ADHFE1: variants seen among roughly 807,000 people sequenced by gnomAD.
ADHFE1 encodes alcohol dehydrogenase iron containing 1.
Under a neutral mutation model 54.8 loss-of-function variants are expected in ADHFE1, and 37 were observed. That is an observed-to-expected ratio of 0.68 (90% CI 0.52 to 0.89). ADHFE1 has a LOEUF of 0.89. ADHFE1 is among the 40% of genes least tolerant of loss of function. The pLI is 0.00. For missense variants in ADHFE1, 601 were observed against 591.2 expected, an observed-to-expected ratio of 1.02 and a Z score of -0.17; for synonymous variants, 203 against 229.3, an observed-to-expected ratio of 0.89 and a Z score of 1.04.
At chr8:66,459,331 C>A (rs1806758443) in intron 12 of ADHFE1, among the ~76,000 whole-genome samples, 1 of 151,606 alleles carries the variant, frequency 6.6e-6, no homozygotes, top group Non-Finnish European at 1.5e-5. Context: ...CTCTGTCACC[C>A]TGCCTGAGGG....
At chr8:66,462,306 G>A (rs1164662526) in intron 13 of ADHFE1, among the ~76,000 whole-genome samples, 1 of 152,198 alleles carries the variant, frequency 6.6e-6, no homozygotes, top group Non-Finnish European at 1.5e-5. Flanking sequence ...CTGGAGTGCA[G>A]TGGCATAATC....
At chr8:66,450,230 G>T (rs1424389649) in intron 8 of ADHFE1, among the ~76,000 whole-genome samples, 2 of 152,188 alleles carry the variant, frequency 1.3e-5, no homozygotes, top group Non-Finnish European at 2.9e-5. Context: ...TGGAAATGAG[G>T]GGAATAAGGT....
Position 66,448,951 on chromosome 8 carries a change from A to C in ADHFE1, c.715A>C (p.Ser239Arg), listed in dbSNP as rs553493479. 2 of 1,614,030 alleles carry C rather than the reference A, an allele frequency of 1.2e-6. No homozygotes were observed. The change falls in exon 8 of 14, where the codon AGT (serine) becomes CGT (arginine). Residue 239 changes from serine to arginine, a missense_variant. By Grantham distance (110) the Ser-to-Arg change is moderately radical. Coordinates refer to ENST00000396623, the MANE Select transcript of ADHFE1 (RefSeq NM_144650.3). ...LHMPARVVAN[S>R]GFDVLCHALE... Reference sequence around the variant, plus strand: ...CATGCCTGCCCGAGTGGTCGCCAACAGTGGCTTTGATGTGCTTTGGTAAGT... The same window carrying C: ...CATGCCTGCCCGAGTGGTCGCCAACCGTGGCTTTGATGTGCTTTGGTAAGT...
chr8:66,433,139 T>G (rs1230415570), intron 1 of ADHFE1, among the ~76,000 whole-genome samples: 1 of 152,130 alleles, frequency 6.6e-6, no homozygotes, highest in Non-Finnish European at 1.5e-5. Flanking sequence ...CACGCCTGCC[T>G]CCCAGCAGAA....
At chr8:66,442,984 T>G in intron 3 of ADHFE1, 140 bp downstream of exon 3, 1 of 748,036 alleles carries the variant, frequency 1.3e-6, no homozygotes, top group South Asian at 2.1e-5. Flanking sequence ...CAGACCATAT[T>G]TAGCAAAGTA....
rs1056061609 is a variant in ADHFE1, at chr8:66,454,150, C to T, written c.979C>T (p.His327Tyr). 3 of 1,614,048 alleles carry T rather than the reference C, an allele frequency of 1.9e-6. No homozygotes were observed. Among genetic ancestry groups the T allele is most frequent in the Middle Eastern group, 1.6e-4 (1 of 6,062 alleles). ...CATCGGCTTTGGAAATGCTGGTGTT[C>T]ATCTGTGGTGAGCAAGTCTGAGATT... is the stretch of plus-strand genomic sequence containing the variant. ...AGIGFGNAGVHLCHGMSYPIS... is the reference protein window; with the variant it reads ...AGIGFGNAGVYLCHGMSYPIS... Residue 327 changes from histidine to tyrosine, a missense_variant, in exon 10 of 14, where the codon CAT becomes TAT. Physicochemically the swap from His to Tyr is moderately conservative, Grantham distance 83 (BLOSUM62 2). Transcript: ENST00000396623.
chr8:66,455,335 G>A (rs1050002685), intron 10 of ADHFE1, among the ~76,000 whole-genome samples: 2 of 152,154 alleles, frequency 1.3e-5, no homozygotes, highest in Admixed American at 6.5e-5. Context: ...CCCCCAATCT[G>A]TCACAAAAGA....
Position 66,453,933 on chromosome 8 carries a change from C to T in ADHFE1, c.888-126C>T, listed in dbSNP as rs1806441235. ...ACAAGGCGTCGTTTGAATAACTTGC[C>T]TGATTTTTCTTCCTACCGAGTAGCA... On this transcript the variant is annotated intron_variant, in intron 9 of 13. Coordinates refer to ENST00000396623, the MANE Select transcript of ADHFE1 (RefSeq NM_144650.3). 6 of 1,526,854 alleles carry T rather than the reference C, an allele frequency of 3.9e-6. No homozygotes were observed. The East Asian group carries it at 1.2e-4, about 29-fold the overall frequency. 94.6% of individuals were successfully genotyped at this position (1,526,854 alleles called of 1,614,324 possible).
rs184624537 is a variant in ADHFE1 at position 66,452,694 on chromosome 8, A to G, written c.887+589A>G. 2.0e-5 allele frequency among the ~76,000 whole-genome samples: 3 copies of G among 152,328 alleles called. No homozygotes were observed. In the East Asian group the frequency reaches 5.8e-4, roughly 29 times the overall value. ...AGAAAAGAGTAGAGATTGCTGTCCC[A>G]GGAGATATAAAAGGCAGAAAATGTA... is the stretch of plus-strand genomic sequence containing the variant. On this transcript the variant is annotated intron_variant, in intron 9 of 13. Coordinates refer to ENST00000396623, the MANE Select transcript of ADHFE1 (RefSeq NM_144650.3).
At chr8:66,445,705 C>T (rs1016394098) in intron 6 of ADHFE1, among the ~76,000 whole-genome samples, 2 of 152,240 alleles carry the variant, frequency 1.3e-5, no homozygotes, top group African/African-American at 4.8e-5. Context: ...ATCCCTCTGT[C>T]AGCAGCTTTG....
intron 5 of ADHFE1, 125 bp downstream of exon 5, chr8:66,444,873 G>C: frequency 8.4e-7 from 1 of 1,192,746 alleles, no homozygotes; most frequent in Non-Finnish European, 1.2e-6. Flanking sequence ...GGCTGAGGCA[G>C]GCAGATTGCT....
chr8:66,445,183 T>C (rs749341373), intron 5 of ADHFE1, 35 bp from the exon 6 acceptor site: 20 of 1,550,568 alleles, frequency 1.3e-5, no homozygotes, highest in Non-Finnish European at 1.7e-5. Context: ...TTCTGAAAAA[T>C]ATAACATACT....
At chr8:66,434,730 A>G (rs113270542) in intron 1 of ADHFE1, among the ~76,000 whole-genome samples, 101 of 152,364 alleles carry the variant, frequency 6.6e-4, no homozygotes, top group African/African-American at 2.4e-3. Context: ...TGGAGGGGAA[A>G]GAATCAGCAC....
chr8:66,436,104 T>C (rs1805453871), intron 1 of ADHFE1, among the ~76,000 whole-genome samples: 1 of 151,816 alleles, frequency 6.6e-6, no homozygotes, highest in Non-Finnish European at 1.5e-5. Context: ...TTAGTAGAGA[T>C]GGGGTTTTGC....
intron 12 of ADHFE1, among the ~76,000 whole-genome samples, chr8:66,458,941 A>G (rs1283774140): frequency 6.6e-6 from 1 of 152,172 alleles, no homozygotes; most frequent in East Asian, 1.9e-4. Flanking sequence ...TCCATATTTT[A>G]GCTGCCGCTG....
intron 10 of ADHFE1, among the ~76,000 whole-genome samples, chr8:66,455,904 C>A (rs1806559243): frequency 6.6e-6 from 1 of 152,154 alleles, no homozygotes; most frequent in East Asian, 1.9e-4. Context: ...TGCTCCACTC[C>A]AGCCCAGGCA....
chr8:66,443,264 A>ATTTTTTTT (rs540464621), intron 3 of ADHFE1, among the ~76,000 whole-genome samples: 2,202 of 86,012 alleles, frequency 0.026, 306 homozygotes, highest in Non-Finnish European at 0.038. Flanking sequence ...TAGTCCAGGA[A>ATTTTTTTT]TTTTTTTTTT....
chr8:66,464,284 T>C (rs1242035131), intron 13 of ADHFE1, among the ~76,000 whole-genome samples: 1 of 152,184 alleles, frequency 6.6e-6, no homozygotes, highest in Non-Finnish European at 1.5e-5. Context: ...AAACTTTATG[T>C]CCTTGTCCTG....
chr8:66,452,097 T>A lies in ADHFE1; in HGVS notation c.879T>A (p.Tyr293Ter). 2 of 1,614,068 alleles carry A rather than the reference T, an allele frequency of 1.2e-6. No homozygotes were observed. The highest frequency in any genetic ancestry group is 1.7e-6 in the Non-Finnish European group (2 of 1,180,010). The change falls in exon 9 of 14, where the codon TAT becomes TAA. Residue 293 changes from tyrosine (Y) to a stop codon, truncating the protein, a stop_gained. Transcript: ENST00000396623. LOFTEE classifies it high-confidence loss of function. ...AIHALRIVAK[Y>*]LKRAVRNPDD... ...ACGCGCTGCGGATCGTGGCTAAGTA[T>A]CTGAAGAGGTATGTCACCCCGAAGG... is the stretch of plus-strand genomic sequence containing the variant.
Sources: allele counts gnomAD v4.1 joint callset (sites outside exome capture counted in the v4.1 genomes callset), GRCh38; gene constraint gnomAD v4.1.1; transcripts MANE v1.5; gene names NCBI Gene and HGNC (gene_info 2026-07-23, HGNC 2026-07-21).